The following MEGF10 variants were observed in gnomAD, a reference collection of about 807,000 sequenced individuals.
MEGF10 encodes multiple epidermal growth factor-like domains protein 10.
MEGF10 carries 86 observed loss-of-function variants against 147.5 expected under a neutral mutation model. The observed-to-expected ratio is 0.58, with a 90% CI of 0.49 to 0.70. The LOEUF is 0.70. Among genes scored for constraint, MEGF10 ranks in the 30% least tolerant of loss-of-function variants. The probability of loss-of-function intolerance (pLI) is 0.00; values close to 1 mark genes in which losing one functional copy is unlikely to be tolerated. For missense variants in MEGF10, 1,329 were observed against 1,487.3 expected, an observed-to-expected ratio of 0.89 and a Z score of 1.75; for synonymous variants, 478 against 525.5, an observed-to-expected ratio of 0.91 and a Z score of 1.24.
intron 22 of MEGF10, 106 bp from the exon 23 acceptor site, chr5:127,454,460 G>C: frequency 1.1e-6 from 1 of 905,442 alleles, no homozygotes; most frequent in South Asian, 1.7e-5. Context: ...CAGCAGCCTG[G>C]TTGTTTGCTG....
chr5:127,325,906 TATA>T (rs750693375), intron 1 of MEGF10, among the ~76,000 whole-genome samples: 8,900 of 45,462 alleles, frequency 0.2, 463 homozygotes, highest in Non-Finnish European at 0.27. Context: ...TATATATATA[TATA>T]TTTTTTTTTT....
chr5:127,419,013 TAGAG>T (rs1764881088), intron 10 of MEGF10, 103 bp from the exon 11 acceptor site: 3 of 1,329,046 alleles, frequency 2.3e-6, no homozygotes, highest in African/African-American at 1.5e-5. Context: ...GTGTTAAAAT[TAGAG>T]AGGAAGTATA....
chr5:127,441,866 T>G (rs550925256), intron 18 of MEGF10, among the ~76,000 whole-genome samples: 1 of 152,312 alleles, frequency 6.6e-6, no homozygotes, highest in Non-Finnish European at 1.5e-5. Context: ...CTCAATTTTA[T>G]GTGCTAAACC....
the MEGF10 span, among the ~76,000 whole-genome samples, chr5:127,275,658 G>A: frequency 6.6e-6 from 1 of 152,204 alleles, no homozygotes; most frequent in South Asian, 2.1e-4. Flanking sequence ...GGATGTCACA[G>A]AAATACACTT....
upstream of MEGF10, among the ~76,000 whole-genome samples, chr5:127,288,589 C>A (rs561885836): frequency 3.9e-5 from 6 of 152,264 alleles, no homozygotes; most frequent in South Asian, 1.2e-3. Context: ...AAGACAGAAA[C>A]TACCCAGTGT....
intron 4 of MEGF10, among the ~76,000 whole-genome samples, chr5:127,347,216 T>C (rs2126812761): frequency 6.6e-6 from 1 of 152,186 alleles, no homozygotes; most frequent in Admixed American, 6.6e-5. Context: ...AATATATGTG[T>C]GTGTGTACAT....
chr5:127,416,200 T>C (rs1208227408), intron 9 of MEGF10, among the ~76,000 whole-genome samples: 1 of 151,922 alleles, frequency 6.6e-6, no homozygotes, highest in Non-Finnish European at 1.5e-5. Flanking sequence ...GCTAATTTTT[T>C]GTGTTTTTTA....
At chr5:127,395,694 G>A (rs925836986) in intron 5 of MEGF10, among the ~76,000 whole-genome samples, 2 of 151,708 alleles carry the variant, frequency 1.3e-5, no homozygotes, top group South Asian at 4.2e-4. Context: ...ACAGGCGCCC[G>A]CCACCATGCC....
intron 1 of MEGF10, among the ~76,000 whole-genome samples, chr5:127,321,211 A>G (rs1173845862): frequency 6.6e-6 from 1 of 152,184 alleles, no homozygotes; most frequent in African/African-American, 2.4e-5. Context: ...TTGACCTTCT[A>G]TTATTTTATC....
chr5:127,377,683 G>C (rs904366338), intron 5 of MEGF10, among the ~76,000 whole-genome samples: 2 of 152,190 alleles, frequency 1.3e-5, no homozygotes, highest in African/African-American at 4.8e-5. Context: ...AGGATATTAT[G>C]AGCCAGAAAC....
chr5:127,286,537 T>C (rs1428345834), upstream of MEGF10, among the ~76,000 whole-genome samples: 1 of 152,034 alleles, frequency 6.6e-6, no homozygotes, highest in East Asian at 1.9e-4. Context: ...TATTTTGAAC[T>C]ATATAAACAG....
chr5:127,431,818 G>T (rs1023485893), intron 13 of MEGF10, among the ~76,000 whole-genome samples: 1 of 152,110 alleles, frequency 6.6e-6, no homozygotes, highest in South Asian at 2.1e-4. Context: ...TTTTGAAGTG[G>T]TTTACTGCTT....
intron 5 of MEGF10, among the ~76,000 whole-genome samples, chr5:127,381,013 G>A (rs951844343): frequency 6.6e-6 from 1 of 152,176 alleles, no homozygotes; most frequent in East Asian, 1.9e-4. Context: ...TGAGAGGGAG[G>A]AGTGACTTCT....
At chr5:127,457,055 T>C (rs1214042879) in intron 24 of MEGF10, 73 bp from the exon 25 acceptor site, 14 of 1,420,620 alleles carry the variant, frequency 9.9e-6, no homozygotes, top group African/African-American at 1.4e-5. Context: ...TGTTTGACAT[T>C]TGCAAGAAAT....
chr5:127,394,497 A>G (rs1484367440), intron 5 of MEGF10, among the ~76,000 whole-genome samples: 1 of 152,204 alleles, frequency 6.6e-6, no homozygotes, highest in Non-Finnish European at 1.5e-5. Context: ...GGATTGATGA[A>G]TCAAGTAACA....
At chr5:127,368,176 G>C (rs1380645031) in intron 4 of MEGF10, among the ~76,000 whole-genome samples, 1 of 152,140 alleles carries the variant, frequency 6.6e-6, no homozygotes, top group Non-Finnish European at 1.5e-5. Context: ...AATCAAAATA[G>C]TGCAGGGCCA....
At chr5:127,437,009 G>T (rs1765573310) in intron 16 of MEGF10, among the ~76,000 whole-genome samples, 1 of 152,196 alleles carries the variant, frequency 6.6e-6, no homozygotes, top group East Asian at 1.9e-4. Flanking sequence ...AAAGTTGAGT[G>T]ATGCTTATTC....
At chr5:127,302,815 A>G (rs999474979) in intron 1 of MEGF10, among the ~76,000 whole-genome samples, 4 of 152,184 alleles carry the variant, frequency 2.6e-5, no homozygotes, top group South Asian at 2.1e-4. Flanking sequence ...GGAAGCAGGT[A>G]ATCTGTTCCA....
At chr5:127,422,806 A>G (rs760449549) in intron 13 of MEGF10, 34 bp downstream of exon 13, 40 of 1,520,168 alleles carry the variant, frequency 2.6e-5, no homozygotes, top group Non-Finnish European at 3.3e-5. Flanking sequence ...GAAAGGTGAA[A>G]CCCGCCAATT....
Sources: allele counts gnomAD v4.1 joint callset (sites outside exome capture counted in the v4.1 genomes callset), GRCh38; gene constraint gnomAD v4.1.1; transcripts MANE v1.5; gene names NCBI Gene and HGNC (gene_info 2026-07-23, HGNC 2026-07-21).